Variants in AXDND1 observed in about 807,000 individuals in gnomAD.
AXDND1 encodes axonemal dynein light chain domain containing 1.
In AXDND1, 110 loss-of-function variants were observed where a neutral mutation model predicts 137.5. The observed-to-expected ratio is 0.80, with a 90% CI of 0.69 to 0.94. AXDND1 has a LOEUF of 0.94. Ranked by LOEUF, AXDND1 falls within the 40% of genes least tolerant of loss-of-function variation. The pLI is 0.00. For missense variants in AXDND1, 1,191 were observed against 1,169.8 expected, an observed-to-expected ratio of 1.02 and a Z score of -0.26; for synonymous variants, 414 against 399.7, an observed-to-expected ratio of 1.04 and a Z score of -0.43.
intron 11 of AXDND1, among the ~76,000 whole-genome samples, chr1:179,400,090 A>C (rs1379420712): frequency 6.6e-6 from 1 of 152,218 alleles, no homozygotes; most frequent in African/African-American, 2.4e-5. Context: ...CCAGAGGAAA[A>C]GAAGTCATTA....
chr1:179,435,695 A>G (rs1658047843), intron 15 of AXDND1, among the ~76,000 whole-genome samples: 2 of 152,224 alleles, frequency 1.3e-5, no homozygotes, highest in Admixed American at 1.3e-4. Context: ...AATTTACTCA[A>G]GATGGATTAA....
chr1:179,513,893 C>T (rs538418551), intron 21 of AXDND1, among the ~76,000 whole-genome samples: 5 of 151,802 alleles, frequency 3.3e-5, no homozygotes, highest in Admixed American at 1.3e-4. Context: ...TGTATTTCAG[C>T]GGTGTCAGTT....
In AXDND1 at chr1:179,430,493, A is replaced by T. The variant is rs1485590280; in HGVS notation, c.1374A>T (p.Lys458Asn). 6 of 1,613,882 alleles carry T rather than the reference A, an allele frequency of 3.7e-6. No homozygotes were observed. The highest frequency in any genetic ancestry group is 5.1e-6 in the Non-Finnish European group (6 of 1,179,948). Reference sequence around the variant, plus strand: ...CACTGTTGCAGAAGTTGACACAAAAATGGAGAAACTTAGTGAATAAACTTA... The same window carrying T: ...CACTGTTGCAGAAGTTGACACAAAATTGGAGAAACTTAGTGAATAAACTTA... ...DLALLQKLTQKWRNLVNKLKQ... is the reference protein window; with the variant it reads ...DLALLQKLTQNWRNLVNKLKQ... The change falls in exon 14 of 26, where the codon AAA (lysine) becomes AAT (asparagine). Residue 458 changes from lysine (K) to asparagine (N), a missense_variant. By Grantham distance (94) the Lys-to-Asn change is moderately conservative. Coordinates refer to ENST00000367618, the MANE Select transcript of AXDND1 (RefSeq NM_144696.6).
At chr1:179,459,686 CT>C (rs769777582) in intron 16 of AXDND1, among the ~76,000 whole-genome samples, 24,472 of 148,980 alleles carry the variant, frequency 0.16, 2,333 homozygotes, top group East Asian at 0.34. Flanking sequence ...CTCTTCTTTT[CT>C]TTTCTTTCTT....
In AXDND1 at chr1:179,411,849, CTTT is replaced by C. The variant is rs11298765; in HGVS notation, c.1230+591_1230+593del. Among the ~76,000 whole-genome samples, 12 of 150,794 alleles carry C rather than the reference CTTT, an allele frequency of 8.0e-5. No homozygotes were observed. In the South Asian group the frequency reaches 1.1e-3, roughly 13 times the overall value. On this transcript the variant is annotated intron_variant, in intron 12 of 25. Transcript: ENST00000367618. Reference sequence around the variant, plus strand: ...TCACTGGATATCACACTCTGATTCTCTTTTTTTTTTAAAAAAACAGGGTCTCAC... The same window carrying C: ...TCACTGGATATCACACTCTGATTCTCTTTTTTTAAAAAAACAGGGTCTCAC...
chr1:179,387,644 T>C (rs191675339), intron 9 of AXDND1, among the ~76,000 whole-genome samples: 69 of 152,306 alleles, frequency 4.5e-4, no homozygotes, highest in Middle Eastern at 3.4e-3. Context: ...TGGGACACAA[T>C]TAAGTTATTT....
intron 11 of AXDND1, among the ~76,000 whole-genome samples, chr1:179,403,853 A>T (rs1229514907): frequency 6.6e-6 from 1 of 152,210 alleles, no homozygotes; most frequent in Non-Finnish European, 1.5e-5. Flanking sequence ...CTGAGATTAC[A>T]GGCATGAGCC....
At position 179,477,609 on chromosome 1, in the gene AXDND1, A is replaced by G. The variant is rs1206871745; in HGVS notation, c.1998-5519A>G. On this transcript the variant is annotated intron_variant, in intron 17 of 25. Transcript: ENST00000367618. ...TCTCCCACTGGGTTCCTGCCACAAC[A>G]TGAGGGAATTTTGGGAGCTACAATT... Among the ~76,000 whole-genome samples the G allele has an allele frequency of 3.9e-5, 6 of 152,144 alleles. No homozygotes were observed. The South Asian group carries it at 6.2e-4, about 16-fold the overall frequency.
intron 3 of AXDND1, 99 bp from the exon 4 acceptor site, chr1:179,369,876 C>A: frequency 2.6e-6 from 2 of 780,608 alleles, no homozygotes; most frequent in Non-Finnish European, 4.1e-6. Flanking sequence ...TACCCAAGTG[C>A]CCTTAATGTA....
intron 17 of AXDND1, among the ~76,000 whole-genome samples, chr1:179,480,799 C>A (rs1207606626): frequency 6.6e-6 from 1 of 151,822 alleles, no homozygotes; most frequent in African/African-American, 2.4e-5. Context: ...CCACTGTCAC[C>A]CTGCAGTGAC....
intron 16 of AXDND1, among the ~76,000 whole-genome samples, chr1:179,467,193 T>G (rs1026797296): frequency 7.0e-6 from 1 of 142,130 alleles, no homozygotes; most frequent in Non-Finnish European, 1.5e-5. Flanking sequence ...TAAGAATCCT[T>G]CTCAGCAAGT....
Position 179,491,662 on chromosome 1 carries a change from T to G in AXDND1, c.2216T>G (p.Ile739Arg). Residue 739 changes from isoleucine (I) to arginine (R), a missense_variant, in exon 19 of 26, where the codon ATA (isoleucine) becomes AGA (arginine). Ile to Arg is a moderately conservative substitution (Grantham distance 97, BLOSUM62 -3). Coordinates refer to ENST00000367618, the MANE Select transcript of AXDND1 (RefSeq NM_144696.6). ...GAGGAAAGTGCTGAGAAACATGATA[T>G]AGGAGTTGCGCGATTGGAGCTAGAT... Reference protein sequence around the residue: ...LEEESAEKHDIGVARLELDAI... With the variant: ...LEEESAEKHDRGVARLELDAI... The G allele has an allele frequency of 2.5e-6, 4 of 1,613,002 alleles. No homozygotes were observed. The highest frequency in any genetic ancestry group is 2.5e-6 in the Non-Finnish European group (3 of 1,179,674).
At chr1:179,550,494 TTTTA>T (rs1402923995) in intron 25 of AXDND1, 2 of 144,076 alleles carry the variant, frequency 1.4e-5, no homozygotes, top group Non-Finnish European at 3.2e-5. Flanking sequence ...GTTTTTGTCC[TTTTA>T]TTTATTTCTT....
chr1:179,368,770 A>G (rs1667726533), intron 2 of AXDND1, 30 bp from the exon 3 acceptor site: 3 of 1,558,764 alleles, frequency 1.9e-6, no homozygotes, highest in Non-Finnish European at 2.6e-6. Context: ...AATATATAGT[A>G]AGAGTTTTTC....
At chr1:179,491,877 C>A (rs529852106) in intron 19 of AXDND1, 140 bp downstream of exon 19, 3 of 752,930 alleles carry the variant, frequency 4.0e-6, no homozygotes, top group Non-Finnish European at 6.1e-6. Context: ...CTAGCTTTAA[C>A]ACTGTGAGCA....
At chr1:179,451,424 T>C (rs553916819) in intron 16 of AXDND1, 38 of 152,332 alleles carry the variant, frequency 2.5e-4, no homozygotes, top group African/African-American at 9.1e-4. Context: ...TTTCTGATTC[T>C]AATAATTTGA....
chr1:179,515,830 C>T (rs1245226214), intron 21 of AXDND1, among the ~76,000 whole-genome samples: 1 of 152,126 alleles, frequency 6.6e-6, no homozygotes, highest in Non-Finnish European at 1.5e-5. Flanking sequence ...TCATGCACTG[C>T]ATAAGGATGT....
chr1:179,368,246 A>G (rs1012014377), intron 2 of AXDND1, among the ~76,000 whole-genome samples: 2 of 152,146 alleles, frequency 1.3e-5, no homozygotes, highest in Non-Finnish European at 2.9e-5. Flanking sequence ...TACAGTTCCC[A>G]TTCCACAGAT....
At chr1:179,499,232 T>C (rs1157974972) in intron 20 of AXDND1, among the ~76,000 whole-genome samples, 2 of 152,120 alleles carry the variant, frequency 1.3e-5, no homozygotes, top group African/African-American at 4.8e-5. Context: ...AAATGCAGTA[T>C]ATTTATATAA....
Sources: gnomAD v4.1 joint callset for allele counts (sites outside exome capture counted in the v4.1 genomes callset) on GRCh38, gnomAD v4.1.1 for gene constraint, MANE v1.5 for transcripts, NCBI Gene and HGNC (gene_info 2026-07-23, HGNC 2026-07-21) for gene names.